The following RABGAP1L variants were observed in gnomAD, a reference collection of about 807,000 sequenced individuals.
The protein encoded by RABGAP1L is rab GTPase-activating protein 1-like.
Under a neutral mutation model 137.7 loss-of-function variants are expected in RABGAP1L, and 63 were observed. The ratio of observed to expected loss-of-function variants is 0.46; its 90% CI spans 0.37 to 0.56. RABGAP1L has a LOEUF of 0.56. Among genes scored for constraint, RABGAP1L ranks in the 20% least tolerant of loss-of-function variants. The probability of loss-of-function intolerance (pLI) is 0.00; values close to 1 mark genes in which losing one functional copy is unlikely to be tolerated. For synonymous variants in RABGAP1L, 431 were observed against 433.7 expected (o/e 0.99, Z 0.08); for missense variants, 1,095 against 1,244.0 (o/e 0.88, Z 1.80).
chr1:174,322,220 T>C lies in RABGAP1L; in HGVS notation c.1465+17093T>C, dbSNP rs575813666. Among the ~76,000 whole-genome samples, 3 of 152,298 alleles carry C rather than the reference T, an allele frequency of 2.0e-5. No homozygotes were observed. The South Asian group carries it at 6.2e-4, about 32-fold the overall frequency. ...TGTTTTATAGTTTAGATTTTACATATAGGTCTGTTATCTATTTGTTTTTAT... is the reference window on the plus strand; with the variant it reads ...TGTTTTATAGTTTAGATTTTACATACAGGTCTGTTATCTATTTGTTTTTAT... On this transcript the variant is annotated intron_variant, in intron 11 of 25. Transcript: ENST00000681986.
chr1:174,957,368 A>C, intron 19 of RABGAP1L, 89 bp from the exon 20 acceptor site: 1 of 1,031,444 alleles, frequency 9.7e-7, no homozygotes. Flanking sequence ...GTTCCCTTAG[A>C]ATGCCAGAAA....
chr1:174,165,375 T>A (rs1301901854), intron 1 of RABGAP1L, among the ~76,000 whole-genome samples: 1 of 152,134 alleles, frequency 6.6e-6, no homozygotes, highest in Non-Finnish European at 1.5e-5. Flanking sequence ...GTTTTGAACT[T>A]CTGACCTCAG....
chr1:174,733,695 C>T (rs1682699352), intron 17 of RABGAP1L, among the ~76,000 whole-genome samples: 1 of 152,180 alleles, frequency 6.6e-6, no homozygotes, highest in Non-Finnish European at 1.5e-5. Flanking sequence ...GTCCAAATTT[C>T]TGACCTAATA....
At chr1:174,604,190 C>G (rs985950657) in intron 13 of RABGAP1L, among the ~76,000 whole-genome samples, 3 of 152,172 alleles carry the variant, frequency 2.0e-5, no homozygotes, top group Non-Finnish European at 4.4e-5. Context: ...CACTTTAGTT[C>G]ACAGTCGGCC....
chr1:174,680,953 A>T (rs557631137), intron 14 of RABGAP1L, among the ~76,000 whole-genome samples: 2 of 152,198 alleles, frequency 1.3e-5, no homozygotes, highest in Non-Finnish European at 2.9e-5. Flanking sequence ...TCACAAAAGA[A>T]TATGTATCAA....
At chr1:174,220,506 A>G (rs1394051553) in intron 2 of RABGAP1L, among the ~76,000 whole-genome samples, 1 of 152,116 alleles carries the variant, frequency 6.6e-6, no homozygotes, top group Non-Finnish European at 1.5e-5. Flanking sequence ...CGTCTCTACA[A>G]AAAATACAAA....
intron 13 of RABGAP1L, among the ~76,000 whole-genome samples, chr1:174,620,746 C>T (rs1469746113): frequency 6.6e-6 from 1 of 152,084 alleles, no homozygotes; most frequent in Non-Finnish European, 1.5e-5. Context: ...AGATGAAACA[C>T]ATTCAAAAGC....
At chr1:174,987,768 G>C (rs550484436) in intron 24 of RABGAP1L, among the ~76,000 whole-genome samples, 1 of 152,324 alleles carries the variant, frequency 6.6e-6, no homozygotes, top group East Asian at 1.9e-4. Flanking sequence ...GTTTAGTGCT[G>C]TGTGCCCGAT....
At chr1:174,637,919 G>A (rs1418526225) in intron 14 of RABGAP1L, among the ~76,000 whole-genome samples, 3 of 152,096 alleles carry the variant, frequency 2.0e-5, no homozygotes, top group Non-Finnish European at 4.4e-5. Context: ...TCTGAGTTAC[G>A]TCACATCATA....
intron 24 of RABGAP1L, 126 bp from the exon 25 acceptor site, chr1:174,988,511 ATAAT>A (rs1671801078): frequency 3.6e-6 from 3 of 829,298 alleles, no homozygotes; most frequent in Admixed American, 4.0e-5. Context: ...CACAAGAAAA[ATAAT>A]TAACCTTCAG....
intron 13 of RABGAP1L, among the ~76,000 whole-genome samples, chr1:174,495,376 A>G (rs754146204): frequency 6.6e-6 from 1 of 152,038 alleles, no homozygotes; most frequent in Admixed American, 6.5e-5. Context: ...CTCTTCCCCC[A>G]TTCACCTATG....
chr1:174,901,720 A>C (rs1207126529), intron 19 of RABGAP1L, among the ~76,000 whole-genome samples: 1 of 152,074 alleles, frequency 6.6e-6, no homozygotes, highest in African/African-American at 2.4e-5. Flanking sequence ...CTTGCTGGAG[A>C]AGTGTTAACG....
At chr1:174,987,868 G>A (rs1671734087) in intron 24 of RABGAP1L, among the ~76,000 whole-genome samples, 1 of 152,124 alleles carries the variant, frequency 6.6e-6, no homozygotes, top group Non-Finnish European at 1.5e-5. Context: ...GGAGTGCAGT[G>A]GCGCGATCTC....
chr1:174,637,304 C>G (rs1674136820), intron 13 of RABGAP1L, 71 bp from the exon 14 acceptor site: 1 of 1,035,828 alleles, frequency 9.7e-7, no homozygotes, highest in Admixed American at 2.2e-5. Context: ...GAGTTTTTTA[C>G]CATGTGTATA....
intron 19 of RABGAP1L, among the ~76,000 whole-genome samples, chr1:174,950,095 G>T (rs1667486663): frequency 6.6e-6 from 1 of 152,174 alleles, no homozygotes; most frequent in African/African-American, 2.4e-5. Flanking sequence ...GGGAAAGCTA[G>T]ACATGTCAGA....
At chr1:174,383,295 C>T (rs1178160693) in intron 12 of RABGAP1L, among the ~76,000 whole-genome samples, 1 of 151,564 alleles carries the variant, frequency 6.6e-6, no homozygotes, top group Admixed American at 6.6e-5. Context: ...AGGCAGGCCT[C>T]CTTGAGCTGT....
At chr1:174,463,429 G>A (rs1217796753) in intron 13 of RABGAP1L, among the ~76,000 whole-genome samples, 3 of 150,056 alleles carry the variant, frequency 2.0e-5, no homozygotes, top group African/African-American at 7.4e-5. Context: ...ACCAAACACC[G>A]CATGTTCTCA....
At chr1:174,727,659 T>A (rs1682104426) in intron 17 of RABGAP1L, among the ~76,000 whole-genome samples, 1 of 152,188 alleles carries the variant, frequency 6.6e-6, no homozygotes. Context: ...TATCTTAAAA[T>A]GACAAGAATA....
chr1:174,873,806 G>A (rs186047504), intron 19 of RABGAP1L, among the ~76,000 whole-genome samples: 13 of 152,276 alleles, frequency 8.5e-5, no homozygotes, highest in Admixed American at 8.5e-4. Context: ...ACTGCGCCCG[G>A]TGAGGTGAGA....
Sources: allele counts gnomAD v4.1 joint callset (sites outside exome capture counted in the v4.1 genomes callset), GRCh38; gene constraint gnomAD v4.1.1; transcripts MANE v1.5; gene names NCBI Gene and HGNC (gene_info 2026-07-23, HGNC 2026-07-21).